ZNF432: variants seen among roughly 807,000 people sequenced by gnomAD.
ZNF432 encodes the protein zinc finger protein 432.
In ZNF432, 10 loss-of-function variants were observed where a neutral mutation model predicts 13.9. The ratio of observed to expected loss-of-function variants is 0.72; its 90% CI spans 0.44 to 1.22. ZNF432 has a LOEUF of 1.22. Among genes scored for constraint, ZNF432 ranks in the 50% most tolerant of loss-of-function variants. The probability of loss-of-function intolerance (pLI) is 0.00; values close to 1 mark genes in which losing one functional copy is unlikely to be tolerated. For missense variants in ZNF432, 793 were observed against 796.2 expected (o/e 1.00, Z 0.05); for synonymous variants, 247 against 256.2 (o/e 0.96, Z 0.34).
chr19:52,034,952 A>G lies in ZNF432; in HGVS notation c.727T>C (p.Ser243Pro). 6.2e-7 allele frequency: 1 copy of G among 1,612,520 alleles called. No individual in the cohort carries two copies. Residue 243 changes from serine (S) to proline (P), a missense_variant, in exon 5 of 5, where the codon TCC becomes CCC. Ser to Pro is a moderately conservative substitution (Grantham distance 74). Transcript: ENST00000221315. ...TGTTCATTTAGCCTGGACTTTCTGG[A>G]GAACACTTTTGCACACAAAGTACAT... ...YGCTLCAKVF[S>P]RKSRLNEHQR... is the part of the protein sequence containing the mutation.
Position 52,033,540 on chromosome 19 carries a change from A to C in ZNF432, c.*180T>G, listed in dbSNP as rs905433193. The C allele has an allele frequency of 3.0e-6, 2 of 658,312 alleles. No individual in the cohort carries two copies. The highest frequency in any genetic ancestry group is 4.9e-6 in the Non-Finnish European group (2 of 409,072). 40.8% of individuals were successfully genotyped at this position (658,312 alleles called of 1,614,324 possible). A position where few individuals can be genotyped will look rare whatever the true frequency, so the allele number is the denominator to read the frequency against. ...TACATTGGTACATCAAAGAATTCAGAGCCTGAATTCATGTTGAAGCCTTTC... is the reference window on the plus strand; with the variant it reads ...TACATTGGTACATCAAAGAATTCAGCGCCTGAATTCATGTTGAAGCCTTTC... On this transcript the variant is annotated 3_prime_UTR_variant, in exon 5 of 5. Coordinates refer to ENST00000221315, the MANE Select transcript of ZNF432 (RefSeq NM_014650.4).
intron 4 of ZNF432, among the ~76,000 whole-genome samples, chr19:52,036,507 C>T (rs183873326): frequency 7.9e-4 from 121 of 152,214 alleles, no homozygotes; most frequent in Non-Finnish European, 1.4e-3. Context: ...AATGAGATGG[C>T]AAATATTACT....
intron 4 of ZNF432, among the ~76,000 whole-genome samples, chr19:52,039,859 A>T (rs2123153482): frequency 6.6e-6 from 1 of 151,730 alleles, no homozygotes; most frequent in East Asian, 1.9e-4. Flanking sequence ...AAAGAAAAGA[A>T]AAAGAAAGTA....
Position 52,033,638 on chromosome 19 carries a change from G to GT in ZNF432, c.*81dup. On this transcript the variant is annotated 3_prime_UTR_variant, in exon 5 of 5. Transcript: ENST00000221315. ...ATGATTTTTCATACTCAGTACACAT[G>GT]TAGAAAATCTATACTGTGAAATCTC... 1 of 1,444,396 alleles carries GT rather than the reference G, an allele frequency of 6.9e-7. No individual in the cohort carries two copies. The highest frequency in any genetic ancestry group is 2.3e-5 in the Admixed American group (1 of 43,046). The allele number at this position is 1,444,396 out of a possible 1,614,324, so 89.5% of individuals were successfully genotyped here.
Position 52,040,489 on chromosome 19 carries a change from T to C in ZNF432, c.237A>G (p.Pro79=). ...MEDERHSRIC[P]ENNEVDDHLQ... is the part of the protein sequence containing the mutation. ...CGCATCTTGCTGCTTCTCACATACCTGGACAGATTCGACTGTGCCTTTCAT... is the reference window on the plus strand; with the variant it reads ...CGCATCTTGCTGCTTCTCACATACCCGGACAGATTCGACTGTGCCTTTCAT... The change falls in exon 4 of 5, where the codon CCA becomes CCG. Residue 79 remains proline (P), a splice_region_variant and synonymous_variant. Coordinates refer to ENST00000221315, the MANE Select transcript of ZNF432 (RefSeq NM_014650.4). 1 of 1,613,922 alleles carries C rather than the reference T, an allele frequency of 6.2e-7. No individual in the cohort carries two copies. The highest frequency in any genetic ancestry group is 8.5e-7 in the Non-Finnish European group (1 of 1,179,782).
chr19:52,043,903 G>A (rs940040691), intron 2 of ZNF432, among the ~76,000 whole-genome samples: 4 of 152,084 alleles, frequency 2.6e-5, no homozygotes, highest in Admixed American at 6.6e-5. Context: ...TCCCCCTCTC[G>A]GAGAAACACC....
chr19:52,047,020 T>C lies in ZNF432; in HGVS notation c.-152A>G. The C allele has an allele frequency of 1.3e-6, 1 of 763,100 alleles. No individual in the cohort carries two copies. The highest frequency in any genetic ancestry group is 2.1e-6 in the Non-Finnish European group (1 of 487,584). The allele number at this position is 763,100 out of a possible 1,614,324, so 47.3% of individuals were successfully genotyped here. ...GTCCTGGAATCTTCCTCTTTCTTCA[T>C]TTACTTCTTGTCTCTTCCCAGGGTA... is the stretch of plus-strand genomic sequence containing the variant. On this transcript the variant is annotated 5_prime_UTR_variant, in exon 2 of 5. An upstream start codon of the reference 5' UTR is lost. Transcript: ENST00000221315.
chr19:52,047,687 A>AG (rs59660190), intron 1 of ZNF432, among the ~76,000 whole-genome samples: 13,322 of 148,270 alleles, frequency 0.09, 2,084 homozygotes, highest in African/African-American at 0.31. Flanking sequence ...AAAAAAAAAA[A>AG]TGTTTATATA....
chr19:52,046,754 A>T, intron 2 of ZNF432, 100 bp downstream of exon 2: 1 of 1,272,100 alleles, frequency 7.9e-7, no homozygotes, highest in Admixed American at 2.1e-5. Context: ...TTGGAGTTAG[A>T]TTTAAAGTTT....
At chr19:52,036,821 C>A (rs1003484418) in intron 4 of ZNF432, among the ~76,000 whole-genome samples, 4 of 152,140 alleles carry the variant, frequency 2.6e-5, no homozygotes, top group African/African-American at 7.2e-5. Context: ...CAGGCACATG[C>A]AACCATGCCT....
At chr19:52,037,031 G>A (rs2087088927) in intron 4 of ZNF432, among the ~76,000 whole-genome samples, 1 of 152,188 alleles carries the variant, frequency 6.6e-6, no homozygotes, top group African/African-American at 2.4e-5. Context: ...CAAGGTTGTA[G>A]ACATTCCAAC....
chr19:52,035,382 CTT>C lies in ZNF432; in HGVS notation c.295_296del (p.Lys99GlufsTer7), dbSNP rs1190345308. 1 of 1,576,834 alleles carries C rather than the reference CTT, an allele frequency of 6.3e-7. No homozygotes were observed. Among genetic ancestry groups the C allele is most frequent in the Non-Finnish European group, 8.6e-7 (1 of 1,167,892 alleles). ...QDHLENQRMLKSVEQYHEHNA... is the reference protein window; with the variant it reads ...QDHLENQRMLXSVEQYHEHNA... ...TATGTTCATGGTATTGTTCCACACT[CTT>C]CAGCATCCTTTGATTTTCCAAGTGA... On this transcript the variant is annotated frameshift_variant, in exon 5 of 5. Coordinates refer to ENST00000221315, the MANE Select transcript of ZNF432 (RefSeq NM_014650.4). LOFTEE classifies it low-confidence loss of function (END_TRUNC).
chr19:52,033,886 C>T lies in ZNF432; in HGVS notation c.1793G>A (p.Gly598Glu). ...KQVHTGEKPY[G>E]CNECGKGFTM... ...GAAGCCTTTACCACATTCATTACAT[C>T]CATAAGGTTTTTCTCCAGTATGAAC... The change falls in exon 5 of 5, where the codon GGA (glycine) becomes GAA (glutamate). Residue 598 changes from glycine to glutamate, a missense_variant. Gly to Glu is a moderately conservative substitution (Grantham distance 98). Transcript: ENST00000221315. 3 of 1,613,744 alleles carry T rather than the reference C, an allele frequency of 1.9e-6. No homozygotes were observed. The highest frequency in any genetic ancestry group is 1.1e-5 in the South Asian group (1 of 91,014).
At position 52,033,981 on chromosome 19, in the gene ZNF432, C is replaced by G. The variant is rs762391614; in HGVS notation, c.1698G>C (p.Glu566Asp). 1.9e-6 allele frequency: 3 copies of G among 1,614,132 alleles called. No individual in the cohort carries two copies. The East Asian group carries it at 6.7e-5, about 36-fold the overall frequency. The change falls in exon 5 of 5, where the codon GAG becomes GAC. Residue 566 changes from glutamate to aspartate, a missense_variant. Transcript: ENST00000221315. ...CACATTCACTACATATACAAGATTTCTCTTCTGTATGAATTTGCTGATGTA... is the reference window on the plus strand; with the variant it reads ...CACATTCACTACATATACAAGATTTGTCTTCTGTATGAATTTGCTGATGTA... ...LIVHQQIHTE[E>D]KSCICSECGR... is the part of the protein sequence containing the mutation.
At position 52,033,456 on chromosome 19, in the gene ZNF432, T is replaced by G; in HGVS notation, c.*264A>C. The G allele has an allele frequency of 2.5e-6, 1 of 406,022 alleles. No homozygotes were observed. Among genetic ancestry groups the G allele is most frequent in the Non-Finnish European group, 4.4e-6 (1 of 229,398 alleles). 25.2% of individuals were successfully genotyped at this position (406,022 alleles called of 1,614,324 possible). Reference sequence around the variant, plus strand: ...GACGTTGTCATAGTTTTAATGAAGGTTGACAAATGAAAGGTTACCCCCAAT... The same window carrying G: ...GACGTTGTCATAGTTTTAATGAAGGGTGACAAATGAAAGGTTACCCCCAAT... On this transcript the variant is annotated 3_prime_UTR_variant, in exon 5 of 5. Transcript: ENST00000221315.
In ZNF432 at chr19:52,034,429, A is replaced by G. The variant is rs1278831779; in HGVS notation, c.1250T>C (p.Ile417Thr). Reference protein sequence around the residue: ...GKGFPRKSNLIVHQRNHTVEK... With the variant: ...GKGFPRKSNLTVHQRNHTVEK... ...TACTGTATGATTTCTCTGATGTACA[A>G]TAAGATTACTCTTCCTGGGAAAGCC... The change falls in exon 5 of 5, where the codon ATT (isoleucine) becomes ACT (threonine). Residue 417 changes from isoleucine to threonine, a missense_variant. Transcript: ENST00000221315. 6.8e-6 allele frequency: 11 copies of G among 1,613,906 alleles called. No individual in the cohort carries two copies. Among genetic ancestry groups the G allele is most frequent in the African/African-American group, 1.3e-5 (1 of 74,894 alleles).
In ZNF432 at chr19:52,033,654, G is replaced by A; in HGVS notation, c.*66C>T. Reference sequence around the variant, plus strand: ...AGTACACATGTAGAAAATCTATACTGTGAAATCTCTGATGTTGTACAAGGC... The same window carrying A: ...AGTACACATGTAGAAAATCTATACTATGAAATCTCTGATGTTGTACAAGGC... On this transcript the variant is annotated 3_prime_UTR_variant, in exon 5 of 5. Coordinates refer to ENST00000221315, the MANE Select transcript of ZNF432 (RefSeq NM_014650.4). The A allele has an allele frequency of 6.7e-7, 1 of 1,498,588 alleles. No homozygotes were observed. The highest frequency in any genetic ancestry group is 8.9e-7 in the Non-Finnish European group (1 of 1,119,752). 92.8% of individuals were successfully genotyped at this position (1,498,588 alleles called of 1,614,324 possible).
chr19:52,043,377 A>C (rs968966880), intron 2 of ZNF432, among the ~76,000 whole-genome samples: 5 of 152,202 alleles, frequency 3.3e-5, no homozygotes, highest in African/African-American at 1.2e-4. Flanking sequence ...ATGCTCCTTA[A>C]GAGTCATCAC....
chr19:52,046,236 T>C (rs2087181688), intron 2 of ZNF432, among the ~76,000 whole-genome samples: 1 of 152,090 alleles, frequency 6.6e-6, no homozygotes, highest in Non-Finnish European at 1.5e-5. Flanking sequence ...TTCAGCCACA[T>C]GTTCAGGAAA....
Sources: gnomAD v4.1 joint callset for allele counts (sites outside exome capture counted in the v4.1 genomes callset) on GRCh38, gnomAD v4.1.1 for gene constraint, MANE v1.5 for transcripts, NCBI Gene and HGNC (gene_info 2026-07-23, HGNC 2026-07-21) for gene names.